KCNMA1: variants seen among roughly 807,000 people sequenced by gnomAD.
KCNMA1 encodes the protein potassium calcium-activated channel subfamily M alpha 1.
A neutral mutation model predicts 140.0 loss-of-function variants in KCNMA1; 29 were observed. That is an observed-to-expected ratio of 0.21 (90% CI 0.15 to 0.28). The LOEUF (loss-of-function observed/expected upper bound fraction) is 0.28, where lower values mean the gene tolerates loss of function less well. Among genes scored for constraint, KCNMA1 ranks in the 10% least tolerant of loss-of-function variants. The probability of loss-of-function intolerance (pLI) is 1.00; values close to 1 mark genes in which losing one functional copy is unlikely to be tolerated. For missense variants in KCNMA1, 880 were observed against 1,602.2 expected (o/e 0.55, Z 7.70); for synonymous variants, 612 against 611.9 (o/e 1.00, Z 0.00).
chr10:77,034,589 G>C (rs1428380986), intron 15 of KCNMA1, among the ~76,000 whole-genome samples: 1 of 152,190 alleles, frequency 6.6e-6, no homozygotes, highest in Non-Finnish European at 1.5e-5. Context: ...ATGCAGGGAG[G>C]TAGAGGAGGG....
chr10:77,313,985 A>G (rs1202577013), intron 2 of KCNMA1: 1 of 152,200 alleles, frequency 6.6e-6, no homozygotes, highest in Non-Finnish European at 1.5e-5. Context: ...ATGAGTCCTG[A>G]CCGTCATTTT....
chr10:76,888,992 G>C (rs530223203), intron 27 of KCNMA1, among the ~76,000 whole-genome samples: 96 of 152,316 alleles, frequency 6.3e-4, no homozygotes, highest in African/African-American at 2.2e-3. Context: ...CCAGGAGGCA[G>C]AGGTTGCAGT....
chr10:77,197,885 A>G (rs1346133876), intron 3 of KCNMA1, among the ~76,000 whole-genome samples: 1 of 152,142 alleles, frequency 6.6e-6, no homozygotes, highest in Non-Finnish European at 1.5e-5. Context: ...CAGGCAGAAA[A>G]ATGTTCAAAC....
At chr10:76,891,811 T>A (rs2040195650) in intron 25 of KCNMA1, 92 bp from the exon 26 acceptor site, 1 of 1,054,210 alleles carries the variant, frequency 9.5e-7, no homozygotes, top group South Asian at 1.3e-5. Context: ...TTTCTTGGTA[T>A]CTCCTGTTTA....
chr10:77,151,206 C>T (rs2098412250), intron 5 of KCNMA1, among the ~76,000 whole-genome samples: 1 of 145,892 alleles, frequency 6.9e-6, no homozygotes. Flanking sequence ...CTCTCTCTCT[C>T]TCTTTCTTTC....
At chr10:77,489,304 CT>C (rs1232283149) in intron 1 of KCNMA1, among the ~76,000 whole-genome samples, 13 of 151,996 alleles carry the variant, frequency 8.6e-5, no homozygotes, top group African/African-American at 3.1e-4. Flanking sequence ...ACTGGACAAC[CT>C]TATTTTCTTT....
chr10:77,415,741 C>T (rs1006899708), intron 1 of KCNMA1, among the ~76,000 whole-genome samples: 1 of 152,236 alleles, frequency 6.6e-6, no homozygotes, highest in Non-Finnish European at 1.5e-5. Context: ...GCAGGTAGCT[C>T]ACAGGTGCTC....
At chr10:77,290,932 T>C (rs919060422) in intron 2 of KCNMA1, among the ~76,000 whole-genome samples, 2 of 152,158 alleles carry the variant, frequency 1.3e-5, no homozygotes, top group Admixed American at 6.5e-5. Flanking sequence ...GGAGGGGCAG[T>C]TGGAAAGAAG....
rs1394425026 is a variant in KCNMA1 at position 77,637,473 on chromosome 10, G to A, written c.170C>T (p.Ser57Phe). The A allele has an allele frequency of 3.1e-6, 5 of 1,603,094 alleles. No individual in the cohort carries two copies. Among genetic ancestry groups the A allele is most frequent in the Non-Finnish European group, 4.3e-6 (5 of 1,173,390 alleles). The change falls in exon 1 of 28, where the codon TCC becomes TTC. Residue 57 changes from serine (S) to phenylalanine (F), a missense_variant. Transcript: ENST00000286628. ...SSSSSSSSSS[S>F]SSSVHEPKMD... ...CTTGGGCTCGTGGACCGAGGACGAGGAGGAAGAGGAGGAGGAAGAAGAAGA... is the reference window on the plus strand; with the variant it reads ...CTTGGGCTCGTGGACCGAGGACGAGAAGGAAGAGGAGGAGGAAGAAGAAGA...
intron 23 of KCNMA1, among the ~76,000 whole-genome samples, chr10:76,923,022 C>T (rs11001934): frequency 6.6e-6 from 1 of 152,264 alleles, no homozygotes; most frequent in East Asian, 1.9e-4. Flanking sequence ...ACATTTTTAG[C>T]GGTACATTTT....
At chr10:77,507,581 T>C (rs1819131091) in intron 1 of KCNMA1, among the ~76,000 whole-genome samples, 1 of 152,314 alleles carries the variant, frequency 6.6e-6, no homozygotes, top group Admixed American at 6.5e-5. Flanking sequence ...ATCAGCCCTG[T>C]CCCAGTGCTC....
intron 1 of KCNMA1, among the ~76,000 whole-genome samples, chr10:77,578,092 C>T (rs1012354130): frequency 3.8e-4 from 58 of 152,240 alleles, no homozygotes; most frequent in African/African-American, 1.0e-3. Flanking sequence ...CAGCAACACA[C>T]CACTGGTGAT....
chr10:77,406,843 A>G (rs563244486), intron 1 of KCNMA1, among the ~76,000 whole-genome samples: 43 of 152,206 alleles, frequency 2.8e-4, no homozygotes, highest in African/African-American at 9.6e-4. Context: ...CCTGGCCACC[A>G]CGTGGGGACC....
At chr10:77,514,753 T>TCTGGCC (rs1404301983) in intron 1 of KCNMA1, among the ~76,000 whole-genome samples, 2 of 152,220 alleles carry the variant, frequency 1.3e-5, no homozygotes. Context: ...AAAGGAAATC[T>TCTGGCC]CTGGCCCTGG....
At chr10:77,573,629 AATGGAATG>A in intron 1 of KCNMA1, among the ~76,000 whole-genome samples, 2 of 89,254 alleles carry the variant, frequency 2.2e-5, no homozygotes, top group African/African-American at 9.7e-5. Flanking sequence ...AATGGAATGG[AATGGAATG>A]GAATGGAATA....
chr10:77,245,093 G>C (rs913961147), intron 3 of KCNMA1, among the ~76,000 whole-genome samples: 2 of 152,122 alleles, frequency 1.3e-5, no homozygotes, highest in African/African-American at 4.8e-5. Context: ...AAAAAAACAG[G>C]GAGGTGCTTT....
At chr10:77,605,681 G>A (rs2084250679) in intron 1 of KCNMA1, among the ~76,000 whole-genome samples, 1 of 152,228 alleles carries the variant, frequency 6.6e-6, no homozygotes, top group African/African-American at 2.4e-5. Context: ...TGAGGGAGGT[G>A]ACAGGGCGCC....
At chr10:77,242,151 A>G (rs1285514807) in intron 3 of KCNMA1, among the ~76,000 whole-genome samples, 3 of 152,210 alleles carry the variant, frequency 2.0e-5, no homozygotes, top group African/African-American at 7.2e-5. Context: ...CTCAGTTTCA[A>G]AAAGATGGAG....
At chr10:77,042,118 G>A (rs2094745452) in intron 14 of KCNMA1, among the ~76,000 whole-genome samples, 1 of 152,174 alleles carries the variant, frequency 6.6e-6, no homozygotes, top group Non-Finnish European at 1.5e-5. Context: ...TAGCTAGGCA[G>A]TGCTGCTGGG....
Sources: gnomAD v4.1 joint callset for allele counts (sites outside exome capture counted in the v4.1 genomes callset) on GRCh38, gnomAD v4.1.1 for gene constraint, MANE v1.5 for transcripts, NCBI Gene and HGNC (gene_info 2026-07-23, HGNC 2026-07-21) for gene names.